The following YEATS4 variants were observed in gnomAD, a reference collection of about 807,000 sequenced individuals.
YEATS4 encodes YEATS domain-containing protein 4.
In YEATS4, 17 loss-of-function variants were observed where a neutral mutation model predicts 30.1. The ratio of observed to expected loss-of-function variants is 0.56; its 90% CI spans 0.39 to 0.85. The LOEUF is 0.85. Among genes scored for constraint, YEATS4 ranks in the 40% least tolerant of loss-of-function variants. The pLI, the probability that YEATS4 is intolerant of heterozygous loss-of-function variation, is 0.00. For synonymous variants in YEATS4, 85 were observed against 87.5 expected (o/e 0.97, Z 0.16); for missense variants, 142 against 268.3 (o/e 0.53, Z 3.29).
At position 69,376,670 on chromosome 12, in the gene YEATS4, T is replaced by A. The variant is rs138763365; in HGVS notation, c.514+5695T>A. ...TCAGGGATATTGGCCTGTGGTTTTC[T>A]TTTTTTGATGTACCTTTGGTTTTGG... On this transcript the variant is annotated intron_variant, in intron 6 of 6. Coordinates refer to ENST00000247843, the MANE Select transcript of YEATS4 (RefSeq NM_006530.4). 2.2e-4 allele frequency among the ~76,000 whole-genome samples: 34 copies of A among 152,332 alleles called. No individual in the cohort carries two copies. In the East Asian group the frequency reaches 6.2e-3, roughly 28 times the overall value.
At chr12:69,386,052 C>G (rs896045365) in intron 6 of YEATS4, among the ~76,000 whole-genome samples, 1 of 152,126 alleles carries the variant, frequency 6.6e-6, no homozygotes. Flanking sequence ...TTTGTTTTCT[C>G]GAAATTGAGC....
At chr12:69,390,017 G>T in intron 6 of YEATS4, 130 bp from the exon 7 acceptor site, 1 of 707,488 alleles carries the variant, frequency 1.4e-6, no homozygotes, top group Non-Finnish European at 2.2e-6. Flanking sequence ...CATGTTTAAT[G>T]TTGTAATTCT....
the YEATS4 span, among the ~76,000 whole-genome samples, chr12:69,411,218 C>T: frequency 6.6e-6 from 1 of 152,210 alleles, no homozygotes; most frequent in African/African-American, 2.4e-5. Context: ...CAGCCTTGAC[C>T]TCTCTGGCTC....
At position 69,369,263 on chromosome 12, in the gene YEATS4, A is replaced by G. The variant is rs148016673; in HGVS notation, c.334-1443A>G. ...CTTCAGATAGTATCTTTCAGTGCCT[A>G]ATGATTGATTATAGGTGATCCTTTT... is the stretch of plus-strand genomic sequence containing the variant. On this transcript the variant is annotated intron_variant, in intron 4 of 6. Coordinates refer to ENST00000247843, the MANE Select transcript of YEATS4 (RefSeq NM_006530.4). 2.7e-4 allele frequency among the ~76,000 whole-genome samples: 41 copies of G among 152,298 alleles called. No homozygotes were observed. The East Asian group carries it at 7.5e-3, about 28-fold the overall frequency.
chr12:69,360,924 A>ACGTTATTAC (rs1314232554), intron 1 of YEATS4, among the ~76,000 whole-genome samples: 1 of 150,016 alleles, frequency 6.7e-6, no homozygotes, highest in Non-Finnish European at 1.5e-5. Flanking sequence ...AGGGCCGGGC[A>ACGTTATTAC]AGGTGGCTCA....
chr12:69,377,999 ATTTGC>A (rs1875933622), intron 6 of YEATS4, among the ~76,000 whole-genome samples: 1 of 152,054 alleles, frequency 6.6e-6, no homozygotes, highest in South Asian at 2.1e-4. Flanking sequence ...CTCTAATAAT[ATTTGC>A]TTTATGTATC....
At chr12:69,398,344 A>G in the YEATS4 span, among the ~76,000 whole-genome samples, 1 of 152,224 alleles carries the variant, frequency 6.6e-6, no homozygotes, top group African/African-American at 2.4e-5. Flanking sequence ...TAGAGGTAAT[A>G]AATGGATGCA....
intron 1 of YEATS4, among the ~76,000 whole-genome samples, chr12:69,362,013 G>GTTTTTGTTTTTTTTTGTTTTTTTTTTTT (rs1555174243): frequency 2.9e-5 from 2 of 69,080 alleles, no homozygotes; most frequent in Non-Finnish European, 3.1e-5. Flanking sequence ...GTGTTTGGTT[G>GTTTTTGTTTTTTTTTGTTTTTTTTTTTT]TTTTTTTTTT....
At chr12:69,423,225 C>T in the YEATS4 span, among the ~76,000 whole-genome samples, 1 of 152,080 alleles carries the variant, frequency 6.6e-6, no homozygotes. Context: ...AAGCACACAA[C>T]CATAGGGATT....
At chr12:69,414,385 G>A in the YEATS4 span, among the ~76,000 whole-genome samples, 4 of 152,024 alleles carry the variant, frequency 2.6e-5, no homozygotes, top group African/African-American at 4.8e-5. Flanking sequence ...ACATGCTACC[G>A]CGACTGGCTA....
the YEATS4 span, among the ~76,000 whole-genome samples, chr12:69,398,096 A>G: frequency 6.6e-6 from 1 of 152,200 alleles, no homozygotes; most frequent in African/African-American, 2.4e-5. Context: ...AGCATCATAC[A>G]TAGTGGTAAA....
chr12:69,385,416 T>A lies in YEATS4; in HGVS notation c.515-4731T>A, dbSNP rs570478643. Among the ~76,000 whole-genome samples the A allele has an allele frequency of 5.9e-5, 9 of 152,192 alleles. No individual in the cohort carries two copies. The South Asian group carries it at 1.9e-3, about 32-fold the overall frequency. On this transcript the variant is annotated intron_variant, in intron 6 of 6. Coordinates refer to ENST00000247843, the MANE Select transcript of YEATS4 (RefSeq NM_006530.4). ...ATAGTTTTAATAATCTGAGGGCATA[T>A]GATAGTCAATATTTAGTAATAATAA...
At chr12:69,375,294 C>T (rs911043288) in intron 6 of YEATS4, among the ~76,000 whole-genome samples, 66 of 151,172 alleles carry the variant, frequency 4.4e-4, no homozygotes, top group African/African-American at 1.5e-3. Flanking sequence ...GCGCTCTTCA[C>T]ATCTCAGATG....
chr12:69,423,461 A>G, the YEATS4 span, among the ~76,000 whole-genome samples: 1 of 152,226 alleles, frequency 6.6e-6, no homozygotes, highest in South Asian at 2.1e-4. Flanking sequence ...TTGAAAGATA[A>G]GTTGTAGTTG....
chr12:69,394,887 T>C (rs1299983428), downstream of YEATS4, among the ~76,000 whole-genome samples: 2 of 152,186 alleles, frequency 1.3e-5, no homozygotes, highest in Non-Finnish European at 2.9e-5. Flanking sequence ...TAGCTTGAGA[T>C]AGAGTATCAT....
intron 6 of YEATS4, among the ~76,000 whole-genome samples, chr12:69,384,412 T>G (rs1002842071): frequency 6.6e-6 from 1 of 152,248 alleles, no homozygotes; most frequent in African/African-American, 2.4e-5. Context: ...CTGTATAACC[T>G]TGGGAAGTTT....
At chr12:69,361,134 G>A (rs1875185427) in intron 1 of YEATS4, among the ~76,000 whole-genome samples, 1 of 151,898 alleles carries the variant, frequency 6.6e-6, no homozygotes. Context: ...AGAGGCGGAA[G>A]TTGCAGTGAG....
chr12:69,365,718 A>T lies in YEATS4; in HGVS notation c.238+19A>T. 6.2e-7 allele frequency: 1 copy of T among 1,606,726 alleles called. No individual in the cohort carries two copies. Among genetic ancestry groups the T allele is most frequent in the Non-Finnish European group, 8.5e-7 (1 of 1,175,404 alleles). On this transcript the variant is annotated intron_variant, in intron 3 of 6. Transcript: ENST00000247843. ...TTAAGAGGTACAATATAGTCTTTTG[A>T]TTCACAATATCCAAAGTTAAAAATG...
the YEATS4 span, among the ~76,000 whole-genome samples, chr12:69,419,908 G>A: frequency 5.9e-5 from 9 of 152,206 alleles, no homozygotes; most frequent in Non-Finnish European, 1.0e-4. Context: ...GTTTCTTTAA[G>A]TTGCCCAGGT....
Sources: allele counts gnomAD v4.1 joint callset (sites outside exome capture counted in the v4.1 genomes callset), GRCh38; gene constraint gnomAD v4.1.1; transcripts MANE v1.5; gene names NCBI Gene and HGNC (gene_info 2026-07-23, HGNC 2026-07-21).